Variants in RFTN2 observed in about 807,000 individuals in gnomAD.
The protein encoded by RFTN2 is raftlin family member 2.
A neutral mutation model predicts 52.7 loss-of-function variants in RFTN2; 34 were observed. The observed-to-expected ratio is 0.64, with a 90% CI of 0.49 to 0.86. The LOEUF (loss-of-function observed/expected upper bound fraction) is 0.86. RFTN2 is among the 40% of genes least tolerant of loss of function. RFTN2 has a pLI of 0.00. For missense variants in RFTN2, 536 were observed against 600.1 expected (o/e 0.89, Z 1.12); for synonymous variants, 203 against 217.7 (o/e 0.93, Z 0.59).
At chr2:197,592,293 T>C (rs1306624695) in intron 8 of RFTN2, among the ~76,000 whole-genome samples, 1 of 152,200 alleles carries the variant, frequency 6.6e-6, no homozygotes, top group Non-Finnish European at 1.5e-5. Context: ...CTTCCCAGGT[T>C]CAAGCAATTC....
chr2:197,650,396 T>C (rs1456527382), intron 1 of RFTN2, among the ~76,000 whole-genome samples: 1 of 152,176 alleles, frequency 6.6e-6, no homozygotes. Context: ...GACACAAAAG[T>C]CCATAGATTG....
At chr2:197,665,664 G>T (rs1470866925) in intron 1 of RFTN2, among the ~76,000 whole-genome samples, 2 of 151,724 alleles carry the variant, frequency 1.3e-5, no homozygotes, top group Non-Finnish European at 2.9e-5. Flanking sequence ...TGTCTGTATA[G>T]GTAAAGTGCA....
intron 1 of RFTN2, among the ~76,000 whole-genome samples, chr2:197,668,590 G>T (rs1424681630): frequency 1.3e-5 from 2 of 152,194 alleles, no homozygotes; most frequent in South Asian, 2.1e-4. Context: ...CTGCACCTGG[G>T]TTGTACCTCA....
rs532359369 is a variant in RFTN2, at chr2:197,620,485, A to G, written c.929-2564T>C. On this transcript the variant is annotated intron_variant, in intron 5 of 8. Transcript: ENST00000295049. ...GCTCTCTAAATTCTAAAGGCCTGCA[A>G]ACTTTTCAAAGGATCTTTTAAGCTT... 9.8e-5 allele frequency among the ~76,000 whole-genome samples: 15 copies of G among 152,376 alleles called. No individual in the cohort carries two copies. In the East Asian group the frequency reaches 2.5e-3, roughly 25 times the overall value.
chr2:197,648,989 C>T (rs967454622), intron 1 of RFTN2, among the ~76,000 whole-genome samples: 5 of 152,162 alleles, frequency 3.3e-5, no homozygotes, highest in Non-Finnish European at 7.3e-5. Flanking sequence ...GTATTCATGT[C>T]TTTCTATGTC....
At chr2:197,657,918 GA>G (rs2088915961) in intron 1 of RFTN2, among the ~76,000 whole-genome samples, 1 of 152,114 alleles carries the variant, frequency 6.6e-6, no homozygotes, top group African/African-American at 2.4e-5. Context: ...ATGCAGAAAT[GA>G]GATTGGAGGG....
intron 3 of RFTN2, among the ~76,000 whole-genome samples, chr2:197,635,563 C>T (rs1426852669): frequency 4.6e-4 from 68 of 149,412 alleles, no homozygotes; most frequent in East Asian, 2.6e-3. Flanking sequence ...TCATGTCCTT[C>T]GCCCACTTTT....
At chr2:197,644,625 C>T (rs1472055276) in intron 2 of RFTN2, among the ~76,000 whole-genome samples, 1 of 152,048 alleles carries the variant, frequency 6.6e-6, no homozygotes, top group Non-Finnish European at 1.5e-5. Flanking sequence ...TAAATATTGC[C>T]CTTTTCCCTT....
intron 8 of RFTN2, among the ~76,000 whole-genome samples, chr2:197,579,771 T>C (rs1243343430): frequency 6.6e-6 from 1 of 151,964 alleles, no homozygotes; most frequent in Non-Finnish European, 1.5e-5. Context: ...CCCAGACTGC[T>C]CCTCCTCAGG....
chr2:197,654,457 G>A (rs2088866287), intron 1 of RFTN2, among the ~76,000 whole-genome samples: 1 of 152,072 alleles, frequency 6.6e-6, no homozygotes, highest in Non-Finnish European at 1.5e-5. Context: ...GGGTGTTAAA[G>A]ACATATTAAC....
At chr2:197,618,965 GC>G (rs958959603) in intron 5 of RFTN2, among the ~76,000 whole-genome samples, 1 of 151,448 alleles carries the variant, frequency 6.6e-6, no homozygotes, top group Non-Finnish European at 1.5e-5. Flanking sequence ...GGGGGGGTCA[GC>G]CCCCCGCCCG....
chr2:197,638,068 C>A (rs1018410834), intron 3 of RFTN2, among the ~76,000 whole-genome samples: 2 of 151,518 alleles, frequency 1.3e-5, no homozygotes, highest in Admixed American at 1.3e-4. Flanking sequence ...ATTCTTAATT[C>A]TGAGTTCTAC....
At chr2:197,628,343 G>A (rs73988489) in intron 5 of RFTN2, among the ~76,000 whole-genome samples, 3,883 of 152,148 alleles carry the variant, frequency 0.026, 176 homozygotes, top group African/African-American at 0.087. Context: ...CTGCACCCCC[G>A]TCTCCGTGAC....
At chr2:197,613,212 A>G (rs2088091986) in intron 7 of RFTN2, among the ~76,000 whole-genome samples, 1 of 152,196 alleles carries the variant, frequency 6.6e-6, no homozygotes, top group African/African-American at 2.4e-5. Context: ...CTTATCAGAA[A>G]TTTTGGTTCT....
At chr2:197,618,237 C>T (rs893548809) in intron 5 of RFTN2, among the ~76,000 whole-genome samples, 3 of 152,172 alleles carry the variant, frequency 2.0e-5, no homozygotes, top group Admixed American at 6.5e-5. Context: ...AGGCGCGCGC[C>T]GCCACGCCTG....
At chr2:197,600,496 C>T (rs956748039) in intron 7 of RFTN2, among the ~76,000 whole-genome samples, 1 of 152,070 alleles carries the variant, frequency 6.6e-6, no homozygotes, top group South Asian at 2.1e-4. Flanking sequence ...GTTTTGGTTT[C>T]GAGGCTCTAA....
intron 3 of RFTN2, among the ~76,000 whole-genome samples, chr2:197,640,912 G>A (rs1367231857): frequency 6.6e-6 from 1 of 152,116 alleles, no homozygotes; most frequent in African/African-American, 2.4e-5. Flanking sequence ...TGTTCAACTG[G>A]CAGCTCCTTT....
In RFTN2 at chr2:197,575,889, T is replaced by C. The variant is rs1439183412; in HGVS notation, c.1234-3609A>G. On this transcript the variant is annotated intron_variant, in intron 8 of 8. Coordinates refer to ENST00000295049, the MANE Select transcript of RFTN2 (RefSeq NM_144629.3). Reference sequence around the variant, plus strand: ...TTTATATATTATATATTATATATAATATATATAATATATATATGAAAAAAT... The same window carrying C: ...TTTATATATTATATATTATATATAACATATATAATATATATATGAAAAAAT... Among the ~76,000 whole-genome samples the C allele has an allele frequency of 2.2e-5, 3 of 134,080 alleles. No individual in the cohort carries two copies. In the East Asian group the frequency reaches 6.0e-4, roughly 27 times the overall value. The allele number at this position is 134,080 out of a possible 152,430, so 88.0% of individuals were successfully genotyped here. A position where few individuals can be genotyped will look rare whatever the true frequency, so the allele number is the denominator to read the frequency against.
At chr2:197,599,291 A>G (rs1208250787) in intron 7 of RFTN2, among the ~76,000 whole-genome samples, 1 of 152,182 alleles carries the variant, frequency 6.6e-6, no homozygotes, top group Admixed American at 6.5e-5. Flanking sequence ...GGACAATTTT[A>G]GCTGGATAGG....
Sources: gnomAD v4.1 joint callset for allele counts (sites outside exome capture counted in the v4.1 genomes callset) on GRCh38, gnomAD v4.1.1 for gene constraint, MANE v1.5 for transcripts, NCBI Gene and HGNC (gene_info 2026-07-23, HGNC 2026-07-21) for gene names.